The following C13orf46 variants were observed in gnomAD, a reference collection of about 807,000 sequenced individuals.
C13orf46 encodes chromosome 13 open reading frame 46, also known as uncharacterized protein C13orf46.
At chr13:113,967,716 C>T (rs1159576112) in intron 4 of C13orf46, among the ~76,000 whole-genome samples, 1 of 152,194 alleles carries the variant, frequency 6.6e-6, no homozygotes, top group Non-Finnish European at 1.5e-5. Context: ...GAACTCGGGC[C>T]TCCAGGAGAT....
At chr13:113,937,873 G>T in the C13orf46 span, among the ~76,000 whole-genome samples, 3 of 152,240 alleles carry the variant, frequency 2.0e-5, no homozygotes, top group Admixed American at 2.0e-4. Flanking sequence ...GGCAGAGGAA[G>T]TGATCAGCTG....
chr13:113,940,081 C>T, the C13orf46 span, among the ~76,000 whole-genome samples: 1 of 152,236 alleles, frequency 6.6e-6, no homozygotes, highest in Non-Finnish European at 1.5e-5. Flanking sequence ...AGGCTACCTG[C>T]CTGCCTGGCC....
At chr13:113,938,712 C>T in the C13orf46 span, among the ~76,000 whole-genome samples, 9 of 152,190 alleles carry the variant, frequency 5.9e-5, no homozygotes, top group African/African-American at 2.2e-4. Context: ...GGAGTCGCTC[C>T]CTTCCACACG....
downstream of C13orf46, among the ~76,000 whole-genome samples, chr13:113,952,141 T>TG (rs2052491456): frequency 1.3e-5 from 2 of 151,702 alleles, no homozygotes; most frequent in South Asian, 4.2e-4. Context: ...TTGGCAGGGG[T>TG]GGGGGTGACA....
At chr13:113,966,119 GATGGTGATT>G (rs2052643183) in intron 5 of C13orf46, among the ~76,000 whole-genome samples, 4 of 120,598 alleles carry the variant, frequency 3.3e-5, no homozygotes, top group Admixed American at 8.4e-5. Flanking sequence ...TGATGGTGAT[GATGGTGATT>G]ATAATGGTGA....
the C13orf46 span, among the ~76,000 whole-genome samples, chr13:113,945,591 GAGAA>G: frequency 9.2e-4 from 105 of 114,322 alleles, 1 homozygote; most frequent in Middle Eastern, 4.2e-3. Context: ...GAGAGAGAGA[GAGAA>G]AGAAAGAAAG....
At chr13:113,945,605 G>GAAGAAAGAAAGAAAGAAAGAAAGA in the C13orf46 span, among the ~76,000 whole-genome samples, 15 of 93,774 alleles carry the variant, frequency 1.6e-4, no homozygotes, top group East Asian at 5.6e-4. Flanking sequence ...AAGAAAGAAA[G>GAAGAAAGAAAGAAAGAAAGAAAGA]AAGAAAGAAA....
At chr13:113,953,549 G>A (rs1284626098), downstream of C13orf46, among the ~76,000 whole-genome samples, 12 of 152,154 alleles carry the variant, frequency 7.9e-5, no homozygotes, top group Admixed American at 7.2e-4. Flanking sequence ...AGGCAAAGGC[G>A]CGTCTGACTC....
intron 6 of C13orf46, among the ~76,000 whole-genome samples, chr13:113,960,785 C>A (rs2052580678): frequency 6.6e-6 from 1 of 152,370 alleles, no homozygotes; most frequent in Non-Finnish European, 1.5e-5. Context: ...AGATGCTCTT[C>A]CTGTGTCAGG....
the C13orf46 span, among the ~76,000 whole-genome samples, chr13:113,933,027 G>A: frequency 5.3e-5 from 8 of 152,058 alleles, no homozygotes; most frequent in African/African-American, 1.9e-4. Flanking sequence ...ACCATGCCCA[G>A]AAAATTTTTG....
rs2052512118 is a variant in C13orf46, at chr13:113,955,042, G to C, written c.*1731C>G. The C allele has an allele frequency of 5.3e-6, 1 of 187,954 alleles. No homozygotes were observed. The highest frequency in any genetic ancestry group is 1.1e-5 in the Non-Finnish European group (1 of 91,238). The allele number at this position is 187,954 out of a possible 1,614,324, so 11.6% of individuals were successfully genotyped here. A position where few individuals can be genotyped will look rare whatever the true frequency, so the allele number is the denominator to read the frequency against. ...TGGCGGAGAGGAGGAGTAGGATCTGGCGGAGAGGAGGAGCATCCGGCGGGG... is the reference window on the plus strand; with the variant it reads ...TGGCGGAGAGGAGGAGTAGGATCTGCCGGAGAGGAGGAGCATCCGGCGGGG... On this transcript the variant is annotated 3_prime_UTR_variant, in exon 7 of 7. Coordinates refer to ENST00000636427, the MANE Select transcript of C13orf46 (RefSeq NM_001365455.2).
chr13:113,931,882 C>T, the C13orf46 span, among the ~76,000 whole-genome samples: 1 of 152,162 alleles, frequency 6.6e-6, no homozygotes, highest in Non-Finnish European at 1.5e-5. Flanking sequence ...CATTCTGCTG[C>T]ACCCACAGAG....
chr13:113,962,552 T>C (rs36191252), intron 6 of C13orf46, among the ~76,000 whole-genome samples: 45,624 of 152,150 alleles, frequency 0.3, 7,714 homozygotes, highest in East Asian at 0.45. Context: ...GAAATCAGCA[T>C]TGGGTCTTGT....
chr13:113,965,815 G>A (rs1021400971), intron 5 of C13orf46, among the ~76,000 whole-genome samples: 1 of 140,812 alleles, frequency 7.1e-6, no homozygotes, highest in Admixed American at 7.1e-5. Context: ...GATGGTGAAG[G>A]TGATGATGGT....
intron 6 of C13orf46, among the ~76,000 whole-genome samples, chr13:113,959,167 G>A (rs36162099): frequency 6.6e-6 from 1 of 152,222 alleles, no homozygotes; most frequent in Admixed American, 6.5e-5. Flanking sequence ...AGCTACTTGG[G>A]AGGCTGAGGC....
intron 6 of C13orf46, among the ~76,000 whole-genome samples, chr13:113,964,373 G>C: frequency 6.6e-6 from 1 of 152,300 alleles, no homozygotes; most frequent in Non-Finnish European, 1.5e-5. Context: ...GCCTCGGGGA[G>C]TCTTGGGGCT....
chr13:113,941,626 A>G, the C13orf46 span, among the ~76,000 whole-genome samples: 1 of 152,218 alleles, frequency 6.6e-6, no homozygotes, highest in Non-Finnish European at 1.5e-5. Flanking sequence ...AGCTGTTGAC[A>G]TCGTTTCCCA....
chr13:113,972,267 G>A (rs1453215781), intron 1 of C13orf46, among the ~76,000 whole-genome samples: 1 of 152,206 alleles, frequency 6.6e-6, no homozygotes, highest in Non-Finnish European at 1.5e-5. Flanking sequence ...CACGTCTTGA[G>A]GGAACCCCGT....
At position 113,956,211 on chromosome 13, in the gene C13orf46, T is replaced by C. The variant is rs1430877630; in HGVS notation, c.*562A>G. ...TCCGGTGGAGACGAGGAGCACCCGG[T>C]GGAGACGAGGAGCATCTCGAGGAGA... On this transcript the variant is annotated 3_prime_UTR_variant, in exon 7 of 7. Coordinates refer to ENST00000636427, the MANE Select transcript of C13orf46 (RefSeq NM_001365455.2). 6.7e-6 allele frequency: 1 copy of C among 148,322 alleles called. No individual in the cohort carries two copies. Among genetic ancestry groups the C allele is most frequent in the African/African-American group, 2.6e-5 (1 of 38,370 alleles). 9.2% of individuals were successfully genotyped at this position (148,322 alleles called of 1,614,324 possible).
Sources: gnomAD v4.1 joint callset for allele counts (sites outside exome capture counted in the v4.1 genomes callset) on GRCh38, gnomAD v4.1.1 for gene constraint, MANE v1.5 for transcripts, NCBI Gene and HGNC (gene_info 2026-07-23, HGNC 2026-07-21) for gene names.